Variants in ROR1 observed in about 807,000 individuals in gnomAD.
ROR1 encodes the protein ROR family WNT receptor 1.
A neutral mutation model predicts 78.8 loss-of-function variants in ROR1; 19 were observed. The observed-to-expected ratio is 0.24, with a 90% confidence interval of 0.17 to 0.35. ROR1 has a LOEUF of 0.35. Ranked by LOEUF, ROR1 falls within the 10% of genes least tolerant of loss-of-function variation. The pLI, the probability that ROR1 is intolerant of heterozygous loss-of-function variation, is 1.00. For missense variants in ROR1, 917 were observed against 1,177.8 expected (o/e 0.78, Z 3.24); for synonymous variants, 386 against 433.6 (o/e 0.89, Z 1.36).
At chr1:63,825,869 A>G (rs964184220) in intron 1 of ROR1, among the ~76,000 whole-genome samples, 2 of 152,178 alleles carry the variant, frequency 1.3e-5, no homozygotes, top group Non-Finnish European at 2.9e-5. Context: ...GATTCAGAGG[A>G]ATGAATCCCA....
rs1229717488 is a variant in ROR1 at position 63,864,972 on chromosome 1, T to C, written c.91+90464T>C. Among the ~76,000 whole-genome samples the C allele has an allele frequency of 2.0e-5, 3 of 152,248 alleles. No individual in the cohort carries two copies. The East Asian group carries it at 5.8e-4, about 29-fold the overall frequency. On this transcript the variant is annotated intron_variant, in intron 1 of 8. Transcript: ENST00000371079. ...TGTGAGTTCAGTTTCCCATTTAACT[T>C]TTATGAATGTTTTCTTTGTTAAGAT...
chr1:63,899,772 C>G (rs1034436340), intron 1 of ROR1, among the ~76,000 whole-genome samples: 2 of 151,612 alleles, frequency 1.3e-5, no homozygotes, highest in Non-Finnish European at 2.9e-5. Flanking sequence ...TTGGGTTTTA[C>G]AAAGTTCTTC....
intron 8 of ROR1, among the ~76,000 whole-genome samples, chr1:64,168,202 C>A (rs939421502): frequency 3.3e-5 from 5 of 152,226 alleles, no homozygotes; most frequent in Non-Finnish European, 5.9e-5. Context: ...GCTCTGGTGT[C>A]TGAATTGACC....
chr1:64,030,325 AAAGTTAC>A (rs1185941935), intron 2 of ROR1, among the ~76,000 whole-genome samples: 4 of 152,202 alleles, frequency 2.6e-5, no homozygotes, highest in African/African-American at 7.2e-5. Context: ...CCACCAGGTA[AAAGTTAC>A]AAAGAAGCAC....
intron 1 of ROR1, among the ~76,000 whole-genome samples, chr1:63,957,367 C>T (rs945888304): frequency 6.6e-6 from 1 of 152,230 alleles, no homozygotes; most frequent in Admixed American, 6.5e-5. Flanking sequence ...TTTCTCTTAA[C>T]AAACATAACT....
At chr1:63,965,712 C>G (rs1191326022) in intron 1 of ROR1, among the ~76,000 whole-genome samples, 1 of 151,886 alleles carries the variant, frequency 6.6e-6, no homozygotes, top group Non-Finnish European at 1.5e-5. Context: ...ACTTTTATTT[C>G]CTGGTCTAGG....
intron 1 of ROR1, among the ~76,000 whole-genome samples, chr1:63,889,414 C>T (rs1008479925): frequency 6.6e-6 from 1 of 152,118 alleles, no homozygotes; most frequent in African/African-American, 2.4e-5. Flanking sequence ...TCCATAAGTT[C>T]CCAAAGTCAT....
chr1:63,794,876 C>A (rs992391580), intron 1 of ROR1, among the ~76,000 whole-genome samples: 1 of 152,140 alleles, frequency 6.6e-6, no homozygotes, highest in Admixed American at 6.5e-5. Context: ...TAGGGGCTCA[C>A]GCACTCATGA....
chr1:64,148,036 T>C (rs757057615), intron 7 of ROR1, among the ~76,000 whole-genome samples: 2 of 152,228 alleles, frequency 1.3e-5, no homozygotes, highest in Non-Finnish European at 2.9e-5. Context: ...GTTGAGGAAC[T>C]CTTTTCTACA....
chr1:64,058,421 A>G (rs1265300623), intron 4 of ROR1, among the ~76,000 whole-genome samples: 1 of 151,952 alleles, frequency 6.6e-6, no homozygotes, highest in East Asian at 1.9e-4. Flanking sequence ...ATCTTTAGTG[A>G]AAAGATTTCA....
intron 1 of ROR1, among the ~76,000 whole-genome samples, chr1:63,812,517 AATGAATGAATGAATGG>A (rs1644866043): frequency 6.6e-6 from 1 of 152,164 alleles, no homozygotes; most frequent in South Asian, 2.1e-4. Context: ...TGACTGAATG[AATGAATGAATGAATGG>A]ATGAATGAAT....
At chr1:63,974,254 A>G (rs1323487712) in intron 1 of ROR1, among the ~76,000 whole-genome samples, 1 of 152,214 alleles carries the variant, frequency 6.6e-6, no homozygotes, top group Non-Finnish European at 1.5e-5. Context: ...TGTGGCCTTG[A>G]GCAAATCTCT....
At chr1:64,021,808 A>T (rs1258922153) in intron 2 of ROR1, among the ~76,000 whole-genome samples, 1 of 152,004 alleles carries the variant, frequency 6.6e-6, no homozygotes, top group Non-Finnish European at 1.5e-5. Context: ...TTTTTCTTTG[A>T]TTTTCATACT....
Position 64,178,496 on chromosome 1 carries a change from A to G in ROR1, c.2455A>G (p.Ile819Val), listed in dbSNP as rs767160165. 1.2e-5 allele frequency: 19 copies of G among 1,614,080 alleles called. No homozygotes were observed. In the South Asian group the frequency reaches 1.8e-4, roughly 15 times the overall value. ...ACCTCAGAACCAGCGATTCATTCCC[A>G]TCAATGGATACCCAATACCTCCTGG... ...PIPQNQRFIP[I>V]NGYPIPPGYA... Residue 819 changes from isoleucine (I) to valine (V), a missense_variant, in exon 9 of 9, where the codon ATC becomes GTC. Ile to Val is a conservative substitution (Grantham distance 29). Coordinates refer to ENST00000371079, the MANE Select transcript of ROR1 (RefSeq NM_005012.4). This position sits in a 1 kb window ranked among gnomAD's most constrained non-coding sequence, Gnocchi z 4.3.
intron 4 of ROR1, among the ~76,000 whole-genome samples, chr1:64,053,305 A>T (rs1365074142): frequency 1.3e-5 from 2 of 152,102 alleles, no homozygotes; most frequent in Middle Eastern, 3.2e-3. Context: ...GGGCTACACA[A>T]CTCCTGCCTG....
At chr1:64,097,501 T>C (rs1402812973) in intron 4 of ROR1, among the ~76,000 whole-genome samples, 1 of 152,024 alleles carries the variant, frequency 6.6e-6, no homozygotes, top group African/African-American at 2.4e-5. Context: ...TTTAGGGGCC[T>C]TTATTCTGTT....
intron 4 of ROR1, among the ~76,000 whole-genome samples, chr1:64,071,600 G>C (rs562349504): frequency 0.016 from 1,843 of 116,488 alleles, 47 homozygotes; most frequent in African/African-American, 0.052. Context: ...CACACACACA[G>C]ACACACACAC....
At chr1:63,835,674 C>T (rs557513147) in intron 1 of ROR1, among the ~76,000 whole-genome samples, 5 of 152,336 alleles carry the variant, frequency 3.3e-5, no homozygotes. Context: ...AGACATTGTC[C>T]TTCCTTTTGA....
At chr1:63,806,523 T>C (rs546645409) in intron 1 of ROR1, among the ~76,000 whole-genome samples, 1 of 152,168 alleles carries the variant, frequency 6.6e-6, no homozygotes, top group Non-Finnish European at 1.5e-5. Flanking sequence ...TTCACTGCGT[T>C]AGCCAGGATG....
Sources: gnomAD v4.1 joint callset for allele counts (sites outside exome capture counted in the v4.1 genomes callset) on GRCh38, gnomAD v4.1.1 for gene constraint, Gnocchi (gnomAD v3.1) non-coding constraint, MANE v1.5 for transcripts, NCBI Gene and HGNC (gene_info 2026-07-23, HGNC 2026-07-21) for gene names.